The following OPA1 variants were observed in gnomAD, a reference collection of about 807,000 sequenced individuals.
OPA1 encodes OPA1 mitochondrial dynamin like GTPase.
A neutral mutation model predicts 152.9 loss-of-function variants in OPA1; 59 were observed. The ratio of observed to expected loss-of-function variants is 0.39; its 90% CI spans 0.31 to 0.48. The LOEUF (loss-of-function observed/expected upper bound fraction) is 0.48. OPA1 is among the 20% of genes least tolerant of loss of function. The pLI is 0.96. For synonymous variants in OPA1, 400 were observed against 389.9 expected (o/e 1.03, Z -0.31); for missense variants, 1,008 against 1,216.8 (o/e 0.83, Z 2.55).
At chr3:193,600,230 C>G (rs1726259177) in intron 1 of OPA1, among the ~76,000 whole-genome samples, 1 of 152,218 alleles carries the variant, frequency 6.6e-6, no homozygotes, top group Non-Finnish European at 1.5e-5. Flanking sequence ...TGACACCACT[C>G]TCTGTCACCA....
At chr3:193,620,895 T>C (rs1729930789) in intron 6 of OPA1, among the ~76,000 whole-genome samples, 1 of 152,252 alleles carries the variant, frequency 6.6e-6, no homozygotes, top group Non-Finnish European at 1.5e-5. Context: ...GATGGTTGAA[T>C]GTAAGCATGC....
Position 193,614,810 on chromosome 3 carries a change from T to G in OPA1, c.120T>G (p.Ile40Met), listed in dbSNP as rs754495559. 10 of 1,606,776 alleles carry G rather than the reference T, an allele frequency of 6.2e-6. 1 individual carries two copies. The South Asian group carries it at 1.1e-4, about 18-fold the overall frequency. ...LQKLHLVSRS[I>M]YHSHHPTLKL... The stretch of plus-strand genomic sequence containing the variant: ...AACTACATCTGGTTTCACGAAGCAT[T>G]TATCATTCACATCATCCTACCTTAA... The change falls in exon 2 of 31, where the codon ATT becomes ATG. Residue 40 changes from isoleucine to methionine, a missense_variant. Ile to Met is a conservative substitution (Grantham distance 10, BLOSUM62 1). This residue lies in a region of OPA1 where 408 missense variants were observed against 395.1 expected (regional missense o/e 1.03). Coordinates refer to ENST00000361510, the MANE Select transcript of OPA1 (RefSeq NM_130837.3).
intron 29 of OPA1, among the ~76,000 whole-genome samples, chr3:193,683,017 C>T (rs994947663): frequency 2.0e-5 from 3 of 151,984 alleles, no homozygotes; most frequent in African/African-American, 4.8e-5. Context: ...CTGGAAAGGA[C>T]TCACCATTTT....
chr3:193,611,675 T>C (rs1371852459), intron 1 of OPA1, among the ~76,000 whole-genome samples: 2 of 151,910 alleles, frequency 1.3e-5, no homozygotes, highest in Non-Finnish European at 2.9e-5. Flanking sequence ...TTGCAACTTA[T>C]GTTTTTTAGT....
intron 29 of OPA1, among the ~76,000 whole-genome samples, chr3:193,667,670 CAAAAAAAAA>C (rs35232250): frequency 2.1e-5 from 2 of 93,352 alleles, no homozygotes; most frequent in South Asian, 4.1e-4. Context: ...GATTCTGTCT[CAAAAAAAAA>C]AAAAAAAAAA....
At chr3:193,615,241 G>C (rs1728838005) in intron 2 of OPA1, among the ~76,000 whole-genome samples, 200 bp downstream of exon 2, 1 of 152,070 alleles carries the variant, frequency 6.6e-6, no homozygotes, top group Non-Finnish European at 1.5e-5. Flanking sequence ...AATTAAAATG[G>C]CCTAGTGGAA....
intron 1 of OPA1, among the ~76,000 whole-genome samples, chr3:193,594,085 C>G (rs1269527419): frequency 2.0e-5 from 3 of 152,070 alleles, no homozygotes; most frequent in African/African-American, 7.2e-5. Context: ...CATTGTTGCC[C>G]TGGGGTGGTT....
At chr3:193,667,062 G>C (rs912691331) in intron 28 of OPA1, 108 bp from the exon 29 acceptor site, 24 of 686,132 alleles carry the variant, frequency 3.5e-5, no homozygotes, top group Non-Finnish European at 5.6e-5. Flanking sequence ...ATTAGCAATA[G>C]TTCTAACATG....
intron 6 of OPA1, among the ~76,000 whole-genome samples, chr3:193,622,226 C>CTTTTTTTTTTTTTTTT (rs758993120): frequency 9.3e-6 from 1 of 107,916 alleles, no homozygotes; most frequent in Non-Finnish European, 1.7e-5. Flanking sequence ...TACTCTCATT[C>CTTTTTTTTTTTTTTTT]TTTTTTTTTT....
intron 21 of OPA1, among the ~76,000 whole-genome samples, chr3:193,651,749 T>C (rs1712510012): frequency 6.6e-6 from 1 of 152,172 alleles, no homozygotes; most frequent in South Asian, 2.1e-4. Flanking sequence ...TATGAACCAC[T>C]TGTGTAAATA....
At chr3:193,658,803 TTTAC>T in intron 23 of OPA1, 80 bp from the exon 24 acceptor site, 3 of 923,080 alleles carry the variant, frequency 3.2e-6, no homozygotes, top group Non-Finnish European at 5.4e-6. Context: ...TTTTTCCATA[TTTAC>T]TAAGCTGTCA....
At chr3:193,665,241 T>C (rs1716256206) in intron 27 of OPA1, among the ~76,000 whole-genome samples, 1 of 147,828 alleles carries the variant, frequency 6.8e-6, no homozygotes, top group South Asian at 2.1e-4. Flanking sequence ...TAAAAAAAAG[T>C]GTGAATATAA....
At chr3:193,627,668 T>G (rs1359629499) in intron 7 of OPA1, among the ~76,000 whole-genome samples, 1 of 152,134 alleles carries the variant, frequency 6.6e-6, no homozygotes, top group East Asian at 1.9e-4. Context: ...TGACTTAAGG[T>G]TAATGATGAG....
chr3:193,676,007 G>T (rs1718915025), intron 29 of OPA1, among the ~76,000 whole-genome samples: 1 of 152,160 alleles, frequency 6.6e-6, no homozygotes, highest in African/African-American at 2.4e-5. Context: ...ATTCACTCCT[G>T]TTCTGCCCAC....
intron 29 of OPA1, among the ~76,000 whole-genome samples, chr3:193,667,916 AC>A (rs1338652654): frequency 6.6e-6 from 1 of 152,130 alleles, no homozygotes; most frequent in Non-Finnish European, 1.5e-5. Context: ...TCAATACCTG[AC>A]CCAGCTTCCT....
At chr3:193,658,185 C>T (rs561697772) in intron 23 of OPA1, among the ~76,000 whole-genome samples, 19 of 147,292 alleles carry the variant, frequency 1.3e-4, no homozygotes, top group African/African-American at 3.8e-4. Flanking sequence ...GGGGAGGTTG[C>T]GGTTAGCCGA....
At chr3:193,640,710 A>G (rs1352312169) in intron 11 of OPA1, among the ~76,000 whole-genome samples, 1 of 152,248 alleles carries the variant, frequency 6.6e-6, no homozygotes, top group Non-Finnish European at 1.5e-5. Context: ...TTCTGTGGAC[A>G]TAAATTTTAA....
At chr3:193,637,885 C>A in intron 10 of OPA1, 67 bp from the exon 11 acceptor site, 1 of 1,280,952 alleles carries the variant, frequency 7.8e-7, no homozygotes, top group Non-Finnish European at 1.1e-6. Context: ...AGCAGCATTA[C>A]AAATAGGTTT....
intron 29 of OPA1, among the ~76,000 whole-genome samples, chr3:193,679,921 A>G (rs994177601): frequency 6.6e-6 from 1 of 152,138 alleles, no homozygotes; most frequent in Non-Finnish European, 1.5e-5. Flanking sequence ...AGTTATTTTT[A>G]TTTTTCTGAG....
Sources: allele counts gnomAD v4.1 joint callset (sites outside exome capture counted in the v4.1 genomes callset), GRCh38; gene constraint gnomAD v4.1.1; regional missense constraint gnomAD v4.1.1; transcripts MANE v1.5; gene names NCBI Gene and HGNC (gene_info 2026-07-23, HGNC 2026-07-21).